Variants in FBXL13 observed in about 807,000 individuals in gnomAD.
FBXL13 encodes F-box and leucine rich repeat protein 13.
A neutral mutation model predicts 83.6 loss-of-function variants in FBXL13; 67 were observed. That is an observed-to-expected ratio of 0.80 (90% CI 0.66 to 0.98). FBXL13 has a LOEUF of 0.98. FBXL13 is among the 50% of genes least tolerant of loss of function. The pLI, the probability that FBXL13 is intolerant of heterozygous loss-of-function variation, is 0.00. For synonymous variants in FBXL13, 272 were observed against 299.5 expected (o/e 0.91, Z 0.95); for missense variants, 822 against 866.5 (o/e 0.95, Z 0.64).
chr7:102,882,106 A>G (rs978160371), intron 14 of FBXL13, among the ~76,000 whole-genome samples: 3 of 152,130 alleles, frequency 2.0e-5, no homozygotes, highest in Admixed American at 6.5e-5. Flanking sequence ...AGAAAAATTT[A>G]AAAACTAGCT....
intron 6 of FBXL13, among the ~76,000 whole-genome samples, chr7:102,983,568 T>TAC (rs1828552972): frequency 6.6e-6 from 1 of 151,872 alleles, no homozygotes; most frequent in Admixed American, 6.6e-5. Flanking sequence ...TATAAGTGCC[T>TAC]ACCACAATGC....
At chr7:103,051,084 G>C (rs1293579830) in intron 2 of FBXL13, among the ~76,000 whole-genome samples, 1 of 152,150 alleles carries the variant, frequency 6.6e-6, no homozygotes, top group East Asian at 1.9e-4. Flanking sequence ...AAGGAACTTA[G>C]TTTTCCAGAA....
chr7:102,938,263 T>TG (rs1820715409), intron 8 of FBXL13, among the ~76,000 whole-genome samples: 1 of 152,312 alleles, frequency 6.6e-6, no homozygotes, highest in African/African-American at 2.4e-5. Flanking sequence ...TAACATCAGA[T>TG]GGGGGAGAAT....
At chr7:102,888,087 C>A (rs1041348321) in intron 11 of FBXL13, among the ~76,000 whole-genome samples, 3 of 152,232 alleles carry the variant, frequency 2.0e-5, no homozygotes, top group Non-Finnish European at 4.4e-5. Flanking sequence ...ACTCTTCCTG[C>A]AATCCGTGTG....
At chr7:102,942,513 T>C (rs1271629180) in intron 8 of FBXL13, among the ~76,000 whole-genome samples, 1 of 152,224 alleles carries the variant, frequency 6.6e-6, no homozygotes, top group Non-Finnish European at 1.5e-5. Context: ...TGAATATATA[T>C]GGTTTAAATA....
At chr7:102,888,771 T>G (rs552801322) in intron 11 of FBXL13, among the ~76,000 whole-genome samples, 3 of 152,240 alleles carry the variant, frequency 2.0e-5, no homozygotes, top group Admixed American at 2.0e-4. Flanking sequence ...AAACTTTTTA[T>G]AAGTAGCCCA....
At chr7:103,030,495 G>A (rs1265873895) in intron 2 of FBXL13, among the ~76,000 whole-genome samples, 1 of 152,166 alleles carries the variant, frequency 6.6e-6, no homozygotes, top group Non-Finnish European at 1.5e-5. Context: ...CCAAGAAGGG[G>A]ATGAGGTGGC....
chr7:103,024,463 G>T (rs1793614097), intron 6 of FBXL13, among the ~76,000 whole-genome samples: 1 of 149,924 alleles, frequency 6.7e-6, no homozygotes, highest in South Asian at 2.1e-4. Flanking sequence ...GGAGGCGGAG[G>T]TTGCAGTGAG....
chr7:102,946,951 C>T (rs899369300), intron 8 of FBXL13, among the ~76,000 whole-genome samples: 1 of 152,128 alleles, frequency 6.6e-6, no homozygotes, highest in Admixed American at 6.5e-5. Context: ...GCTGAGATTA[C>T]AGGCATGAGC....
At chr7:102,944,550 A>G in intron 8 of FBXL13, 1 of 1,613,548 alleles carries the variant, frequency 6.2e-7, no homozygotes, top group Non-Finnish European at 8.5e-7. Flanking sequence ...AATGGGAAAA[A>G]AAACATAGAG....
intron 11 of FBXL13, 80 bp from the exon 13 acceptor site, chr7:102,884,392 C>T (rs1219829877): frequency 2.0e-6 from 2 of 990,122 alleles, no homozygotes; most frequent in African/African-American, 1.6e-5. Context: ...CAAAGATACA[C>T]CATAATTTTG....
intron 1 of FBXL13, among the ~76,000 whole-genome samples, chr7:103,063,693 G>A (rs961096644): frequency 6.9e-6 from 1 of 145,230 alleles, no homozygotes; most frequent in Non-Finnish European, 1.5e-5. Flanking sequence ...AATTGGTGAA[G>A]CCTAGAATCA....
intron 17 of FBXL13, among the ~76,000 whole-genome samples, chr7:102,847,517 ATTTT>A (rs908697401): frequency 6.6e-6 from 1 of 151,298 alleles, no homozygotes; most frequent in East Asian, 1.9e-4. Context: ...TTAACACTCA[ATTTT>A]TTTTTCTTTC....
chr7:103,056,735 G>A (rs962372558), intron 1 of FBXL13, among the ~76,000 whole-genome samples: 1 of 152,120 alleles, frequency 6.6e-6, no homozygotes, highest in African/African-American at 2.4e-5. Context: ...TGGGATTACA[G>A]GCATGATCCA....
chr7:102,881,313 T>A (rs1229153442), intron 14 of FBXL13, among the ~76,000 whole-genome samples: 1 of 150,320 alleles, frequency 6.7e-6, no homozygotes, highest in Non-Finnish European at 1.5e-5. Context: ...GGGATGATGG[T>A]GGGTGCCTGT....
At chr7:103,071,032 GA>G (rs1281940526) in intron 1 of FBXL13, among the ~76,000 whole-genome samples, 15 of 152,140 alleles carry the variant, frequency 9.9e-5, no homozygotes, top group African/African-American at 3.4e-4. Context: ...TTCTAGAACT[GA>G]AAAACATGTC....
intron 8 of FBXL13, among the ~76,000 whole-genome samples, chr7:102,941,975 G>T (rs542139200): frequency 1.3e-5 from 2 of 152,256 alleles, no homozygotes; most frequent in South Asian, 2.1e-4. Flanking sequence ...TTCATCAGTT[G>T]TGGAATTCCC....
chr7:102,815,399 G>A lies in FBXL13; in HGVS notation c.2019-1868C>T, dbSNP rs537991954. On this transcript the variant is annotated intron_variant, in intron 19 of 19. Transcript: ENST00000313221. ...GAAACTCATCATGAATAGCTCAAAC[G>A]AGAGATTTCAGCAGCTTACACCAAG... Among the ~76,000 whole-genome samples the A allele has an allele frequency of 4.6e-5, 7 of 152,212 alleles. No individual in the cohort carries two copies. The South Asian group carries it at 1.0e-3, about 23-fold the overall frequency.
chr7:102,898,776 C>A (rs187708453), intron 11 of FBXL13, among the ~76,000 whole-genome samples: 3 of 152,150 alleles, frequency 2.0e-5, no homozygotes, highest in African/African-American at 4.8e-5. Context: ...TCAGATACAT[C>A]GTCAAACATG....
Sources: allele counts gnomAD v4.1 joint callset (sites outside exome capture counted in the v4.1 genomes callset), GRCh38; gene constraint gnomAD v4.1.1; transcripts MANE v1.5; gene names NCBI Gene and HGNC (gene_info 2026-07-23, HGNC 2026-07-21).